GPC5: variants seen among roughly 807,000 people sequenced by gnomAD.
The protein encoded by GPC5 is glypican 5.
GPC5 carries 47 observed loss-of-function variants against 53.9 expected under a neutral mutation model. The ratio of observed to expected loss-of-function variants is 0.87; its 90% CI spans 0.69 to 1.11. GPC5 has a LOEUF of 1.11. Among genes scored for constraint, GPC5 ranks in the 50% most tolerant of loss-of-function variants. The probability of loss-of-function intolerance (pLI) is 0.00; values close to 1 mark genes in which losing one functional copy is unlikely to be tolerated. For synonymous variants in GPC5, 286 were observed against 263.3 expected (o/e 1.09, Z -0.84); for missense variants, 748 against 713.1 (o/e 1.05, Z -0.56).
chr13:92,385,459 TACAC>T (rs577282318), intron 7 of GPC5, among the ~76,000 whole-genome samples: 3 of 127,010 alleles, frequency 2.4e-5, no homozygotes, highest in Non-Finnish European at 1.6e-5. Flanking sequence ...TATACATATA[TACAC>T]ATATATACAT....
At chr13:91,471,221 A>T (rs1412744581) in intron 2 of GPC5, among the ~76,000 whole-genome samples, 1 of 152,090 alleles carries the variant, frequency 6.6e-6, no homozygotes, top group Non-Finnish European at 1.5e-5. Context: ...CTGCTTTTAC[A>T]TAAAACATTC....
intron 5 of GPC5, among the ~76,000 whole-genome samples, chr13:91,777,689 GTAAGTTCA>G (rs2037733261): frequency 6.6e-6 from 1 of 151,860 alleles, no homozygotes; most frequent in Admixed American, 6.6e-5. Flanking sequence ...TTGATTTTGA[GTAAGTTCA>G]GACCTTAGAT....
intron 4 of GPC5, among the ~76,000 whole-genome samples, chr13:91,745,618 G>GA (rs576127576): frequency 1.9e-4 from 29 of 151,114 alleles, no homozygotes; most frequent in South Asian, 1.3e-3. Flanking sequence ...TGACTTAGGG[G>GA]AAAAAAAAAT....
intron 7 of GPC5, among the ~76,000 whole-genome samples, chr13:92,278,450 A>G (rs1329081719): frequency 6.6e-6 from 1 of 152,052 alleles, no homozygotes; most frequent in African/African-American, 2.4e-5. Flanking sequence ...TGATTCTTAC[A>G]GAGAATACAA....
chr13:91,737,723 A>G (rs2036845596), intron 4 of GPC5, among the ~76,000 whole-genome samples: 1 of 151,556 alleles, frequency 6.6e-6, no homozygotes, highest in Non-Finnish European at 1.5e-5. Flanking sequence ...CTAATTTAGA[A>G]AAACTATTTC....
Position 91,536,312 on chromosome 13 carries a change from A to G in GPC5, c.325+87390A>G, listed in dbSNP as rs114852968. On this transcript the variant is annotated intron_variant, in intron 2 of 7. Transcript: ENST00000377067. ...GACGAAAAATCACTGCATACAGGTA[A>G]GAACAGTGAGCTTTGTGAACTTCCC... Among the ~76,000 whole-genome samples the G allele has an allele frequency of 6.1e-3, 935 of 152,286 alleles. 10 individuals carry two copies. Among genetic ancestry groups the G allele is most frequent in the African/African-American group, 0.022 (911 of 41,560 alleles).
intron 7 of GPC5, among the ~76,000 whole-genome samples, chr13:92,810,260 T>A (rs1487058413): frequency 6.6e-6 from 1 of 151,962 alleles, no homozygotes; most frequent in Non-Finnish European, 1.5e-5. Context: ...CATCTTCAGT[T>A]ATTAGAAAAG....
intron 7 of GPC5, among the ~76,000 whole-genome samples, chr13:92,262,934 TC>T (rs2042776667): frequency 6.6e-6 from 1 of 152,134 alleles, no homozygotes; most frequent in African/African-American, 2.4e-5. Context: ...TGTCTTTTTA[TC>T]CCGGTATTAC....
chr13:92,642,589 G>A (rs72641020), intron 7 of GPC5, among the ~76,000 whole-genome samples: 13,305 of 152,174 alleles, frequency 0.087, 748 homozygotes, highest in Admixed American at 0.14. Flanking sequence ...ACAAATGGCC[G>A]ACATTTGTAG....
At chr13:91,438,671 A>G (rs1880178822) in intron 1 of GPC5, among the ~76,000 whole-genome samples, 1 of 152,160 alleles carries the variant, frequency 6.6e-6, no homozygotes, top group African/African-American at 2.4e-5. Flanking sequence ...TGGGAGAACC[A>G]CTACTCTCTT....
At chr13:92,138,925 A>T (rs1639591945) in intron 6 of GPC5, among the ~76,000 whole-genome samples, 1 of 152,288 alleles carries the variant, frequency 6.6e-6, no homozygotes, top group African/African-American at 2.4e-5. Context: ...GGGAAAAAAA[A>T]AATAACAGAC....
At chr13:91,837,646 T>C (rs1407040093) in intron 5 of GPC5, among the ~76,000 whole-genome samples, 1 of 152,228 alleles carries the variant, frequency 6.6e-6, no homozygotes, top group African/African-American at 2.4e-5. Context: ...GTGTAACTTC[T>C]GCTGTCATTT....
chr13:91,707,412 T>C (rs1021126986), intron 3 of GPC5, among the ~76,000 whole-genome samples: 2 of 151,986 alleles, frequency 1.3e-5, no homozygotes, highest in East Asian at 3.9e-4. Context: ...TGCTTAAGCC[T>C]AGGAGGTCAA....
intron 6 of GPC5, among the ~76,000 whole-genome samples, chr13:92,046,878 T>A (rs2040986092): frequency 6.6e-6 from 1 of 152,226 alleles, no homozygotes; most frequent in Non-Finnish European, 1.5e-5. Flanking sequence ...CAGGGATTAT[T>A]TTCTTAAATG....
intron 7 of GPC5, among the ~76,000 whole-genome samples, chr13:92,590,058 AAG>A (rs1400868114): frequency 2.6e-5 from 4 of 152,168 alleles, no homozygotes; most frequent in Non-Finnish European, 4.4e-5. Context: ...TTATAGCAAG[AAG>A]AGAGAGAGAA....
chr13:92,485,784 T>G (rs1879531425), intron 7 of GPC5, among the ~76,000 whole-genome samples: 1 of 152,174 alleles, frequency 6.6e-6, no homozygotes, highest in South Asian at 2.1e-4. Flanking sequence ...GAGACCAGCC[T>G]GGCTAACATG....
intron 7 of GPC5, among the ~76,000 whole-genome samples, chr13:92,473,518 TA>T (rs1878987534): frequency 6.6e-6 from 1 of 152,156 alleles, no homozygotes; most frequent in Admixed American, 6.6e-5. Flanking sequence ...TCAATAGTAT[TA>T]TGTGTTCTCT....
chr13:92,146,881 T>C (rs561078459), intron 7 of GPC5, among the ~76,000 whole-genome samples: 24 of 152,236 alleles, frequency 1.6e-4, no homozygotes, highest in African/African-American at 5.5e-4. Flanking sequence ...GATATATATA[T>C]ATACCACAGT....
intron 1 of GPC5, among the ~76,000 whole-genome samples, chr13:91,403,176 G>A (rs1594040284): frequency 1.3e-5 from 2 of 152,344 alleles, no homozygotes; most frequent in Non-Finnish European, 2.9e-5. Flanking sequence ...ATTGGGACCC[G>A]TCGTCTGACA....
Sources: allele counts gnomAD v4.1 joint callset (sites outside exome capture counted in the v4.1 genomes callset), GRCh38; gene constraint gnomAD v4.1.1; transcripts MANE v1.5; gene names NCBI Gene and HGNC (gene_info 2026-07-23, HGNC 2026-07-21).